PCDH15: variants seen among roughly 807,000 people sequenced by gnomAD.
PCDH15 encodes protocadherin-15.
A neutral mutation model predicts 178.5 loss-of-function variants in PCDH15; 129 were observed. The observed-to-expected ratio is 0.72, with a 90% CI of 0.63 to 0.84. PCDH15 has a LOEUF of 0.84. Among genes scored for constraint, PCDH15 ranks in the 40% least tolerant of loss-of-function variants. The pLI is 0.00. For synonymous variants in PCDH15, 800 were observed against 732.0 expected, an observed-to-expected ratio of 1.09 and a Z score of -1.50; for missense variants, 2,230 against 2,099.9, an observed-to-expected ratio of 1.06 and a Z score of -1.21.
chr10:54,370,541 A>G (rs911753894), intron 4 of PCDH15, among the ~76,000 whole-genome samples: 23 of 151,916 alleles, frequency 1.5e-4, no homozygotes, highest in African/African-American at 5.3e-4. Context: ...GTCAAACTGC[A>G]TGGCTTCCAG....
chr10:54,211,205 T>A (rs908388846), intron 10 of PCDH15, among the ~76,000 whole-genome samples: 1 of 151,410 alleles, frequency 6.6e-6, no homozygotes, highest in African/African-American at 2.4e-5. Context: ...ATTTTATGAG[T>A]GTAGTGATCA....
At chr10:55,297,760 G>T (rs1227878913) in intron 1 of PCDH15, among the ~76,000 whole-genome samples, 1 of 152,054 alleles carries the variant, frequency 6.6e-6, no homozygotes, top group Non-Finnish European at 1.5e-5. Context: ...CTAGTAAGGG[G>T]CTGGGGCATG....
chr10:54,565,495 C>T (rs1295944248), intron 2 of PCDH15, among the ~76,000 whole-genome samples: 1 of 152,030 alleles, frequency 6.6e-6, no homozygotes, highest in Non-Finnish European at 1.5e-5. Context: ...TAGGTTGAAA[C>T]TTTTTAAGTA....
At chr10:54,323,306 G>C (rs750568153) in intron 7 of PCDH15, among the ~76,000 whole-genome samples, 10 of 152,086 alleles carry the variant, frequency 6.6e-5, no homozygotes, top group Non-Finnish European at 1.0e-4. Flanking sequence ...GCAGTTTGAA[G>C]ATTTCTCAAA....
intron 28 of PCDH15, among the ~76,000 whole-genome samples, chr10:53,843,736 T>A (rs2077803451): frequency 6.6e-6 from 1 of 152,166 alleles, no homozygotes; most frequent in Admixed American, 6.5e-5. Flanking sequence ...AGTTTAAAAA[T>A]GAAAAAAATT....
intron 2 of PCDH15, among the ~76,000 whole-genome samples, chr10:55,439,372 A>C (rs914436036): frequency 6.6e-6 from 1 of 152,180 alleles, no homozygotes; most frequent in African/African-American, 2.4e-5. Flanking sequence ...ACTCTACAGA[A>C]ATAAAGTTCC....
chr10:55,066,136 G>A (rs76383197), intron 2 of PCDH15, among the ~76,000 whole-genome samples: 3,910 of 150,826 alleles, frequency 0.026, 91 homozygotes, highest in East Asian at 0.077. Flanking sequence ...ATTTTTAATC[G>A]ACGTATAAGG....
At chr10:54,307,876 A>G (rs2060650055) in intron 8 of PCDH15, among the ~76,000 whole-genome samples, 1 of 152,114 alleles carries the variant, frequency 6.6e-6, no homozygotes, top group Non-Finnish European at 1.5e-5. Context: ...TGTGTCTCTG[A>G]GTAAACACCA....
At chr10:54,105,272 A>C (rs1193395448) in intron 15 of PCDH15, among the ~76,000 whole-genome samples, 5 of 99,192 alleles carry the variant, frequency 5.0e-5, no homozygotes, top group African/African-American at 2.3e-4. Context: ...AGACATATAG[A>C]TGGAGATATA....
chr10:54,032,883 A>C (rs1911391), intron 18 of PCDH15, among the ~76,000 whole-genome samples: 111,448 of 151,582 alleles, frequency 0.74, 41,203 homozygotes, highest in Middle Eastern at 0.8. Context: ...GAAGCAGGCA[A>C]CTTCTTTACC....
rs144068295 is a variant in PCDH15, at chr10:54,487,306, G to A, written c.157+40506C>T. Among the ~76,000 whole-genome samples, 134 of 151,996 alleles carry A rather than the reference G, an allele frequency of 8.8e-4. 2 individuals are homozygous for A. The East Asian group carries it at 0.02, about 23-fold the overall frequency. On this transcript the variant is annotated intron_variant, in intron 3 of 37. Transcript: ENST00000644397. ...AGCTAAATAATGTGTACACATGGAC[G>A]TAAAGTGTGGAATGATTGAAAATGG... is the stretch of plus-strand genomic sequence containing the variant.
At chr10:55,422,269 C>A (rs963936451) in intron 2 of PCDH15, among the ~76,000 whole-genome samples, 3 of 151,686 alleles carry the variant, frequency 2.0e-5, no homozygotes, top group African/African-American at 7.3e-5. Context: ...TCAAAGATAC[C>A]TTAAAGAATA....
At chr10:54,057,190 G>A (rs1355896522) in intron 18 of PCDH15, among the ~76,000 whole-genome samples, 2 of 152,182 alleles carry the variant, frequency 1.3e-5, no homozygotes, top group Non-Finnish European at 2.9e-5. Flanking sequence ...TCTTGGGGCT[G>A]GAGGACAGTG....
intron 2 of PCDH15, among the ~76,000 whole-genome samples, chr10:54,625,992 C>T (rs896799987): frequency 6.6e-6 from 1 of 152,150 alleles, no homozygotes; most frequent in South Asian, 2.1e-4. Context: ...TTGTTGGAAA[C>T]TGGAGCAAAG....
intron 3 of PCDH15, among the ~76,000 whole-genome samples, chr10:54,507,272 A>C (rs2081251141): frequency 6.6e-6 from 1 of 151,624 alleles, no homozygotes; most frequent in Non-Finnish European, 1.5e-5. Context: ...TCATTTAAAT[A>C]ATAATAATAC....
At chr10:54,789,940 T>C (rs755217266) in intron 1 of PCDH15, among the ~76,000 whole-genome samples, 2 of 151,896 alleles carry the variant, frequency 1.3e-5, no homozygotes, top group African/African-American at 2.4e-5. Context: ...TGAGTATGGA[T>C]AACATACACT....
chr10:53,890,140 CT>C (rs1392214034), intron 26 of PCDH15, among the ~76,000 whole-genome samples: 2 of 152,106 alleles, frequency 1.3e-5, no homozygotes, highest in Non-Finnish European at 2.9e-5. Flanking sequence ...CAAAAATATT[CT>C]TTTAGGCTGG....
rs727503364 is a variant in PCDH15, at chr10:53,822,537, A to T, written c.4368-2307T>A. 1.2e-5 allele frequency: 20 copies of T among 1,613,768 alleles called. No homozygotes were observed. In the East Asian group the frequency reaches 4.2e-4, roughly 34 times the overall value. ...TGGTGGATGGGCAAAATTTTCAAAA[A>T]TATTTCTTTCGGTTTCAATAGGTAA... On this transcript the variant is annotated intron_variant, in intron 32 of 37. Transcript: ENST00000644397.
chr10:55,427,617 T>C (rs1333586389), intron 2 of PCDH15, among the ~76,000 whole-genome samples: 2 of 152,180 alleles, frequency 1.3e-5, no homozygotes, highest in Non-Finnish European at 2.9e-5. Flanking sequence ...CATGATCGAA[T>C]GCATCTTGGA....
Sources: gnomAD v4.1 joint callset for allele counts (sites outside exome capture counted in the v4.1 genomes callset) on GRCh38, gnomAD v4.1.1 for gene constraint, MANE v1.5 for transcripts, NCBI Gene and HGNC (gene_info 2026-07-23, HGNC 2026-07-21) for gene names.